The following GALNT18 variants were observed in gnomAD, a reference collection of about 807,000 sequenced individuals.
GALNT18 encodes GalNAc-transferase 18.
In GALNT18, 44 loss-of-function variants were observed where a neutral mutation model predicts 69.5. The ratio of observed to expected loss-of-function variants is 0.63; its 90% confidence interval spans 0.50 to 0.81. The LOEUF (loss-of-function observed/expected upper bound fraction) is 0.81, where lower values mean the gene tolerates loss of function less well. Among genes scored for constraint, GALNT18 ranks in the 40% least tolerant of loss-of-function variants. The pLI is 0.00. For synonymous variants in GALNT18, 364 were observed against 318.2 expected (o/e 1.14, Z -1.53); for missense variants, 715 against 810.0 (o/e 0.88, Z 1.42).
intron 3 of GALNT18, among the ~76,000 whole-genome samples, chr11:11,407,106 C>T (rs982161296): frequency 6.6e-6 from 1 of 152,222 alleles, no homozygotes; most frequent in African/African-American, 2.4e-5. Flanking sequence ...TTTAAACCAG[C>T]AGATTGCCAA....
chr11:11,537,012 C>T (rs7116700), intron 1 of GALNT18, among the ~76,000 whole-genome samples: 73,551 of 151,742 alleles, frequency 0.48, 18,742 homozygotes, highest in East Asian at 0.8. Flanking sequence ...TTTTACTCTG[C>T]ACAGTGAGCA....
chr11:11,487,030 A>G (rs1264996865), intron 1 of GALNT18, among the ~76,000 whole-genome samples: 2 of 152,128 alleles, frequency 1.3e-5, no homozygotes, highest in Non-Finnish European at 2.9e-5. Flanking sequence ...ATAAGTAAAT[A>G]TGCCCCCAAA....
intron 3 of GALNT18, among the ~76,000 whole-genome samples, chr11:11,417,461 A>G (rs1854893396): frequency 6.6e-6 from 1 of 152,204 alleles, no homozygotes; most frequent in African/African-American, 2.4e-5. Flanking sequence ...AGTGGGAGTC[A>G]ATATGGCAGA....
chr11:11,472,807 T>C (rs942263312), intron 1 of GALNT18, among the ~76,000 whole-genome samples: 1 of 152,064 alleles, frequency 6.6e-6, no homozygotes, highest in Non-Finnish European at 1.5e-5. Context: ...TACAAGGAAA[T>C]AGAAACTCAA....
Position 11,497,111 on chromosome 11 carries a change from G to C in GALNT18, c.236-48175C>G, listed in dbSNP as rs573002376. ...TTTGCACCTGCTGTTTCTTCAGTAT[G>C]GGATGCTGTGACCCAGGGCCAGACC... On this transcript the variant is annotated intron_variant, in intron 1 of 10. Coordinates refer to ENST00000227756, the MANE Select transcript of GALNT18 (RefSeq NM_198516.3). This position sits in a 1 kb window ranked among gnomAD's most constrained non-coding sequence, Gnocchi z 4.2. 1.1e-4 allele frequency among the ~76,000 whole-genome samples: 17 copies of C among 152,100 alleles called. No homozygotes were observed. The highest frequency in any genetic ancestry group is 3.9e-4 in the African/African-American group (16 of 41,500).
chr11:11,508,120 C>A (rs941172160), intron 1 of GALNT18, among the ~76,000 whole-genome samples: 2 of 152,126 alleles, frequency 1.3e-5, no homozygotes, highest in African/African-American at 4.8e-5. Context: ...CAATCATGTC[C>A]TTTATAGCTC....
At chr11:11,286,471 C>A (rs1342557993) in intron 10 of GALNT18, among the ~76,000 whole-genome samples, 1 of 151,332 alleles carries the variant, frequency 6.6e-6, no homozygotes. Context: ...CATGAAATGT[C>A]TTTGAAATAC....
rs1002371777 is a variant in GALNT18 at position 11,432,484 on chromosome 11, C to A, written c.595+137G>T. On this transcript the variant is annotated intron_variant, in intron 3 of 10. Coordinates refer to ENST00000227756, the MANE Select transcript of GALNT18 (RefSeq NM_198516.3). The surrounding 1 kb of genome is among the most constrained non-coding windows in gnomAD (Gnocchi z 5.8). ...GTGAACCTTCTGAAGCAGTGGCCAC[C>A]ATGAATTTCTCATCTATGCTCCAGA... 3.5e-5 allele frequency: 30 copies of A among 866,866 alleles called. No homozygotes were observed. The highest frequency in any genetic ancestry group is 1.7e-5 in the Non-Finnish European group (10 of 574,484). The allele number at this position is 866,866 out of a possible 1,614,324, so 53.7% of individuals were successfully genotyped here. A position where few individuals can be genotyped will look rare whatever the true frequency, so the allele number is the denominator to read the frequency against.
rs1350328945 is a variant in GALNT18 at position 11,620,326 on chromosome 11, C to T, written c.235+1033G>A. ...GGAAGTGTGGACGTGAGCGCGCGCG[C>T]GCGCGCGTGTGTGTGTGTGTGTGCA... On this transcript the variant is annotated intron_variant, in intron 1 of 10. Transcript: ENST00000227756. The surrounding 1 kb of genome is among the most constrained non-coding windows in gnomAD (Gnocchi z 6.9). Among the ~76,000 whole-genome samples, 1 of 108,466 alleles carries T rather than the reference C, an allele frequency of 9.2e-6. No homozygotes were observed. Among genetic ancestry groups the T allele is most frequent in the Non-Finnish European group, 1.9e-5 (1 of 52,884 alleles). 71.2% of individuals were successfully genotyped at this position (108,466 alleles called of 152,430 possible). A position where few individuals can be genotyped will look rare whatever the true frequency, so the allele number is the denominator to read the frequency against.
At chr11:11,283,247 A>G (rs934498174) in intron 10 of GALNT18, among the ~76,000 whole-genome samples, 2 of 152,142 alleles carry the variant, frequency 1.3e-5, no homozygotes, top group African/African-American at 4.8e-5. Context: ...CCCAGGTTCA[A>G]GTGATTCTCC....
intron 1 of GALNT18, among the ~76,000 whole-genome samples, chr11:11,460,550 C>T (rs78412531): frequency 0.065 from 9,910 of 152,262 alleles, 466 homozygotes; most frequent in South Asian, 0.16. Flanking sequence ...CTTATCTCTG[C>T]CCACTCCTCC....
intron 2 of GALNT18, among the ~76,000 whole-genome samples, chr11:11,433,627 C>G (rs1049130825): frequency 6.6e-6 from 1 of 152,192 alleles, no homozygotes; most frequent in East Asian, 1.9e-4. Flanking sequence ...GAGGTATTCC[C>G]CACATGAAGA....
In GALNT18 at chr11:11,413,966, CTCTAAT is replaced by C. The variant is rs1485752443; in HGVS notation, c.595+18649_595+18654del. 6.6e-6 allele frequency among the ~76,000 whole-genome samples: 1 copy of C among 152,216 alleles called. No individual in the cohort carries two copies. The highest frequency in any genetic ancestry group is 1.5e-5 in the Non-Finnish European group (1 of 68,038). On this transcript the variant is annotated intron_variant, in intron 3 of 10. Coordinates refer to ENST00000227756, the MANE Select transcript of GALNT18 (RefSeq NM_198516.3). The surrounding 1 kb of genome is among the most constrained non-coding windows in gnomAD (Gnocchi z 4.7). ...ATCTTACTCACCAAACCTGTTCTTC[CTCTAAT>C]TCTGTCTGGCCCATCTTGCAAACTG...
intron 9 of GALNT18, among the ~76,000 whole-genome samples, chr11:11,321,598 T>C (rs1167077726): frequency 1.3e-5 from 2 of 151,998 alleles, no homozygotes; most frequent in Non-Finnish European, 2.9e-5. Context: ...AGTTTATGAG[T>C]AGGTTTTCTG....
intron 9 of GALNT18, among the ~76,000 whole-genome samples, chr11:11,299,890 C>A (rs1175678767): frequency 6.6e-6 from 1 of 152,138 alleles, no homozygotes; most frequent in Non-Finnish European, 1.5e-5. Context: ...AGTGGAACTA[C>A]AATTTATGTA....
rs1320983099 is a variant in GALNT18 at position 11,584,598 on chromosome 11, G to A, written c.235+36761C>T. ...GTTTGCCCCTTGAGATTCCTGAGGA[G>A]TGTGGAGAGCAAAGAAGCAAACCCA... On this transcript the variant is annotated intron_variant, in intron 1 of 10. Transcript: ENST00000227756. The surrounding 1 kb of genome is among the most constrained non-coding windows in gnomAD (Gnocchi z 4.1). Among the ~76,000 whole-genome samples, 4 of 152,172 alleles carry A rather than the reference G, an allele frequency of 2.6e-5. No homozygotes were observed. Among genetic ancestry groups the A allele is most frequent in the African/African-American group, 9.7e-5 (4 of 41,450 alleles).
At chr11:11,530,509 T>G (rs1857622095) in intron 1 of GALNT18, among the ~76,000 whole-genome samples, 2 of 152,132 alleles carry the variant, frequency 1.3e-5, no homozygotes, top group African/African-American at 2.4e-5. Context: ...TGGAGTGCAT[T>G]TTTCAATTAA....
intron 1 of GALNT18, among the ~76,000 whole-genome samples, chr11:11,561,966 A>T (rs1431282983): frequency 6.6e-6 from 1 of 152,212 alleles, no homozygotes; most frequent in African/African-American, 2.4e-5. Flanking sequence ...GGGTGAAGGG[A>T]CCTGCCCACT....
intron 1 of GALNT18, among the ~76,000 whole-genome samples, chr11:11,545,664 G>A (rs191005915): frequency 7.2e-5 from 11 of 152,304 alleles, no homozygotes; most frequent in East Asian, 3.9e-4. Context: ...ACTAAAAAGC[G>A]TTTTCCCATC....
Sources: gnomAD v4.1 joint callset for allele counts (sites outside exome capture counted in the v4.1 genomes callset) on GRCh38, gnomAD v4.1.1 for gene constraint, Gnocchi (gnomAD v3.1) non-coding constraint, MANE v1.5 for transcripts, NCBI Gene and HGNC (gene_info 2026-07-23, HGNC 2026-07-21) for gene names.